FBH1: variants seen among roughly 807,000 people sequenced by gnomAD.
FBH1 encodes F-box DNA helicase 1.
A neutral mutation model predicts 115.5 loss-of-function variants in FBH1; 43 were observed. That is an observed-to-expected ratio of 0.37 (90% CI 0.29 to 0.48). FBH1 has a LOEUF of 0.48. FBH1 is among the 20% of genes least tolerant of loss of function. FBH1 has a pLI of 0.99. For synonymous variants in FBH1, 524 were observed against 507.8 expected (o/e 1.03, Z -0.43); for missense variants, 1,001 against 1,337.3 (o/e 0.75, Z 3.92).
chr10:5,893,945 C>T (rs747508684), intron 1 of FBH1: 8 of 971,824 alleles, frequency 8.2e-6, no homozygotes, highest in Non-Finnish European at 9.8e-6. Context: ...TGATCTTTCT[C>T]TTGTTTTTCA....
intron 6 of FBH1, among the ~76,000 whole-genome samples, chr10:5,912,193 C>G (rs1304694370): frequency 2.0e-5 from 3 of 151,996 alleles, no homozygotes; most frequent in Non-Finnish European, 4.4e-5. Context: ...AACCCCATCT[C>G]TATTAAAAAT....
intron 2 of FBH1, 42 bp from the exon 3 acceptor site, chr10:5,905,995 A>G: frequency 7.1e-7 from 1 of 1,413,698 alleles, no homozygotes; most frequent in Non-Finnish European, 9.9e-7. Context: ...GTCAACAGTC[A>G]TCGTTCATTT....
In FBH1 at chr10:5,911,574, G is replaced by A. The variant is rs926813596; in HGVS notation, c.1211+446G>A. On this transcript the variant is annotated intron_variant, in intron 6 of 20. Coordinates refer to ENST00000362091, the MANE Select transcript of FBH1 (RefSeq NM_178150.3). This position sits in a 1 kb window ranked among gnomAD's most constrained non-coding sequence, Gnocchi z 5.4. Reference sequence around the variant, plus strand: ...CTGCTGATTCACAGGGGCCCCGATGGTTTCCTCAGCAGGGTGGGGAGTGCC... The same window carrying A: ...CTGCTGATTCACAGGGGCCCCGATGATTTCCTCAGCAGGGTGGGGAGTGCC... Among the ~76,000 whole-genome samples, 1 of 152,146 alleles carries A rather than the reference G, an allele frequency of 6.6e-6. No individual in the cohort carries two copies. Among genetic ancestry groups the A allele is most frequent in the Admixed American group, 6.5e-5 (1 of 15,280 alleles).
chr10:5,912,237 G>C (rs1399304745), intron 6 of FBH1, among the ~76,000 whole-genome samples: 1 of 151,874 alleles, frequency 6.6e-6, no homozygotes, highest in Non-Finnish European at 1.5e-5. Context: ...GGTGGTGCGT[G>C]TCTCTAATCC....
At position 5,923,708 on chromosome 10, in the gene FBH1, C is replaced by T. The variant is rs1564457530; in HGVS notation, c.2398+12C>T. The T allele has an allele frequency of 1.2e-6, 2 of 1,612,166 alleles. No individual in the cohort carries two copies. Among genetic ancestry groups the T allele is most frequent in the South Asian group, 2.2e-5 (2 of 90,790 alleles). Reference sequence around the variant, plus strand: ...AGAACGGAGGAAACGTGAGTACCCACCTGGCCTTGGTGCATTGGAAGGACG... The same window carrying T: ...AGAACGGAGGAAACGTGAGTACCCATCTGGCCTTGGTGCATTGGAAGGACG... On this transcript the variant is annotated intron_variant, in intron 16 of 20. Transcript: ENST00000362091. This position sits in a 1 kb window ranked among gnomAD's most constrained non-coding sequence, Gnocchi z 5.7.
intron 2 of FBH1, 63 bp downstream of exon 2, chr10:5,903,238 C>T (rs972947886): frequency 7.6e-6 from 10 of 1,317,992 alleles, no homozygotes; most frequent in Admixed American, 7.4e-5. Context: ...TTGACTATCT[C>T]CTAGTTTAAA....
rs1831448402 is a variant in FBH1 at position 5,909,814 on chromosome 10, T to C, written c.1020+520T>C. ...AGCTACGTGCAACCTCTGCGTGTGT[T>C]TTACTGGCCACAGAGGGCTGGGAAC... On this transcript the variant is annotated intron_variant, in intron 5 of 20. Transcript: ENST00000362091. This position sits in a 1 kb window ranked among gnomAD's most constrained non-coding sequence, Gnocchi z 4.4. 6.6e-6 allele frequency among the ~76,000 whole-genome samples: 1 copy of C among 152,230 alleles called. No individual in the cohort carries two copies. The highest frequency in any genetic ancestry group is 6.5e-5 in the Admixed American group (1 of 15,286).
rs1589128941 is a variant in FBH1, at chr10:5,936,996, A to G, written c.2962-114A>G. On this transcript the variant is annotated intron_variant, in intron 20 of 20. Coordinates refer to ENST00000362091, the MANE Select transcript of FBH1 (RefSeq NM_178150.3). This position sits in a 1 kb window ranked among gnomAD's most constrained non-coding sequence, Gnocchi z 5.6. The stretch of plus-strand genomic sequence containing the variant: ...GGATGTGCACCCCTCTGAAAACATC[A>G]GAATCCAAATGCGTTGTCCCTGGGC... 7 of 1,229,920 alleles carry G rather than the reference A, an allele frequency of 5.7e-6. No homozygotes were observed. In the East Asian group the frequency reaches 1.8e-4, roughly 31 times the overall value. 76.2% of individuals were successfully genotyped at this position (1,229,920 alleles called of 1,614,324 possible).
At chr10:5,930,444 GT>G (rs1832903207) in intron 19 of FBH1, among the ~76,000 whole-genome samples, 1 of 152,192 alleles carries the variant, frequency 6.6e-6, no homozygotes, top group Non-Finnish European at 1.5e-5. Flanking sequence ...TCCCGGTGTG[GT>G]TGTGTAACTT....
rs1230442457 is a variant in FBH1 at position 5,900,678 on chromosome 10, T to G, written c.2-2342T>G. Among the ~76,000 whole-genome samples, 12 of 152,200 alleles carry G rather than the reference T, an allele frequency of 7.9e-5. No individual in the cohort carries two copies. The highest frequency in any genetic ancestry group is 1.5e-4 in the Non-Finnish European group (10 of 68,032). The stretch of plus-strand genomic sequence containing the variant: ...TTTTTAAAAAAGCTGGTATTAAACC[T>G]TGAAAAAGTTAACTGAAATTTGGAA... On this transcript the variant is annotated intron_variant, in intron 1 of 20. Coordinates refer to ENST00000362091, the MANE Select transcript of FBH1 (RefSeq NM_178150.3). This position sits in a 1 kb window ranked among gnomAD's most constrained non-coding sequence, Gnocchi z 4.2.
At chr10:5,920,865 G>C (rs1832269674) in intron 13 of FBH1, among the ~76,000 whole-genome samples, 1 of 152,194 alleles carries the variant, frequency 6.6e-6, no homozygotes, top group Admixed American at 6.5e-5. Flanking sequence ...GGGCAGCACG[G>C]ACAATGTGCA....
At position 5,921,526 on chromosome 10, in the gene FBH1, G is replaced by A. The variant is rs760991921; in HGVS notation, c.2279G>A (p.Arg760Gln). ...GCCAACGTGTTTGATGAGGCCGTACGGGTGACGGAAGGGGAATTCCCTTCA... is the reference window on the plus strand; with the variant it reads ...GCCAACGTGTTTGATGAGGCCGTACAGGTGACGGAAGGGGAATTCCCTTCA... The part of the protein sequence containing the change: ...TNANVFDEAV[R>Q]VTEGEFPSRI... The change falls in exon 15 of 21, where the codon CGG (arginine) becomes CAG (glutamine). Residue 760 changes from arginine (R) to glutamine (Q), a missense_variant. By Grantham distance (43) the Arg-to-Gln change is conservative. Coordinates refer to ENST00000362091, the MANE Select transcript of FBH1 (RefSeq NM_178150.3). This position sits in a 1 kb window ranked among gnomAD's most constrained non-coding sequence, Gnocchi z 6.4. The A allele has an allele frequency of 5.0e-6, 8 of 1,595,524 alleles. 1 individual carries two copies. The highest frequency in any genetic ancestry group is 4.6e-5 in the South Asian group (4 of 87,226).
Position 5,917,589 on chromosome 10 carries a change from G to A in FBH1, c.1877-1G>A. On this transcript the variant is annotated splice_acceptor_variant, in intron 11 of 20. Coordinates refer to ENST00000362091, the MANE Select transcript of FBH1 (RefSeq NM_178150.3). LOFTEE classifies it high-confidence loss of function. This position sits in a 1 kb window ranked among gnomAD's most constrained non-coding sequence, Gnocchi z 5.6. ...AACTCCTGCGTCTCTCCTTATTTTA[G>A]GCTACTTGAAACTCTGGCAGCTGAG... The A allele has an allele frequency of 6.2e-7, 1 of 1,614,102 alleles. No homozygotes were observed. The highest frequency in any genetic ancestry group is 8.5e-7 in the Non-Finnish European group (1 of 1,180,004).
rs531573801 is a variant in FBH1, at chr10:5,936,288, G to C, written c.2830-168G>C. The C allele has an allele frequency of 1.7e-6, 1 of 600,620 alleles. No homozygotes were observed. Among genetic ancestry groups the C allele is most frequent in the South Asian group, 2.1e-5 (1 of 47,118 alleles). The allele number at this position is 600,620 out of a possible 1,614,324, so 37.2% of individuals were successfully genotyped here. Reference sequence around the variant, plus strand: ...CAGTTGGACTGTCGATAGCTTTGGAGGCAGGGAAAAGTTAGAGGAAGTAAG... The same window carrying C: ...CAGTTGGACTGTCGATAGCTTTGGACGCAGGGAAAAGTTAGAGGAAGTAAG... On this transcript the variant is annotated intron_variant, in intron 19 of 20. Coordinates refer to ENST00000362091, the MANE Select transcript of FBH1 (RefSeq NM_178150.3). This position sits in a 1 kb window ranked among gnomAD's most constrained non-coding sequence, Gnocchi z 5.6.
chr10:5,897,942 C>T lies in FBH1; in HGVS notation c.2-5078C>T, dbSNP rs561965667. On this transcript the variant is annotated intron_variant, in intron 1 of 20. Coordinates refer to ENST00000362091, the MANE Select transcript of FBH1 (RefSeq NM_178150.3). The surrounding 1 kb of genome is among the most constrained non-coding windows in gnomAD (Gnocchi z 4.7). ...ATATTACCTTTTCCAAAGCAGTTCCCTTTGGGACTGAACATTTTTGATGTT... is the reference window on the plus strand; with the variant it reads ...ATATTACCTTTTCCAAAGCAGTTCCTTTTGGGACTGAACATTTTTGATGTT... 6.6e-6 allele frequency among the ~76,000 whole-genome samples: 1 copy of T among 152,302 alleles called. No homozygotes were observed. The highest frequency in any genetic ancestry group is 1.5e-5 in the Non-Finnish European group (1 of 68,016).
Position 5,918,782 on chromosome 10 carries a change from T to C in FBH1, c.2100+304T>C, listed in dbSNP as rs930744111. Among the ~76,000 whole-genome samples, 4 of 152,226 alleles carry C rather than the reference T, an allele frequency of 2.6e-5. No homozygotes were observed. The highest frequency in any genetic ancestry group is 2.0e-4 in the Admixed American group (3 of 15,282). ...GCGCTGGTTGTTCAGACTTGTGTAT[T>C]TGGCACTTTTTCAAAGACAAGTGAA... On this transcript the variant is annotated intron_variant, in intron 13 of 20. Coordinates refer to ENST00000362091, the MANE Select transcript of FBH1 (RefSeq NM_178150.3). The surrounding 1 kb of genome is among the most constrained non-coding windows in gnomAD (Gnocchi z 4.0).
Position 5,924,397 on chromosome 10 carries a change from G to A in FBH1, c.2485G>A (p.Glu829Lys). 2.5e-6 allele frequency: 4 copies of A among 1,614,188 alleles called. No individual in the cohort carries two copies. The highest frequency in any genetic ancestry group is 3.4e-6 in the Non-Finnish European group (4 of 1,180,026). Residue 829 changes from glutamate to lysine, a missense_variant, in exon 17 of 21, where the codon GAG becomes AAG. By Grantham distance (56) the Glu-to-Lys change is moderately conservative (BLOSUM62 1). This residue lies in a region of FBH1 where 521 missense variants were observed against 811.0 expected (regional missense o/e 0.64). Coordinates refer to ENST00000362091, the MANE Select transcript of FBH1 (RefSeq NM_178150.3). This position sits in a 1 kb window ranked among gnomAD's most constrained non-coding sequence, Gnocchi z 6.2. ...CTTCAAGAGGTATGTGACCGCTGCCGAGGACAAGGAGCTTGAAGCCAAGAT... is the reference window on the plus strand; with the variant it reads ...CTTCAAGAGGTATGTGACCGCTGCCAAGGACAAGGAGCTTGAAGCCAAGAT... ...SGFKRYVTAA[E>K]DKELEAKIAV...
chr10:5,903,013 G>A lies in FBH1; in HGVS notation c.2-7G>A. 1 of 1,604,178 alleles carries A rather than the reference G, an allele frequency of 6.2e-7. No homozygotes were observed. The highest frequency in any genetic ancestry group is 2.3e-5 in the East Asian group (1 of 44,404). On this transcript the variant is annotated splice_region_variant and splice_polypyrimidine_tract_variant and intron_variant, in intron 1 of 20. Transcript: ENST00000362091. Reference sequence around the variant, plus strand: ...TCCCCTTTCTTCTACCTGCTGGTATGAAACAGTGAGACGGTTTAAGCGGAA... The same window carrying A: ...TCCCCTTTCTTCTACCTGCTGGTATAAAACAGTGAGACGGTTTAAGCGGAA...
intron 13 of FBH1, among the ~76,000 whole-genome samples, chr10:5,919,427 A>G (rs1275569529): frequency 6.6e-6 from 1 of 152,210 alleles, no homozygotes; most frequent in East Asian, 1.9e-4. Context: ...CAGAGGTTGC[A>G]GTGAGCCGAG....
Sources: allele counts gnomAD v4.1 joint callset (sites outside exome capture counted in the v4.1 genomes callset), GRCh38; gene constraint gnomAD v4.1.1; regional missense constraint gnomAD v4.1.1; non-coding constraint Gnocchi (gnomAD v3.1); transcripts MANE v1.5; gene names NCBI Gene and HGNC (gene_info 2026-07-23, HGNC 2026-07-21).